CDH13: variants seen among roughly 807,000 people sequenced by gnomAD.
The protein encoded by CDH13 is cadherin 13.
A neutral mutation model predicts 63.8 loss-of-function variants in CDH13; 24 were observed. The ratio of observed to expected loss-of-function variants is 0.38; its 90% CI spans 0.27 to 0.53. The LOEUF (loss-of-function observed/expected upper bound fraction) is 0.53. Ranked by LOEUF, CDH13 falls within the 20% of genes least tolerant of loss-of-function variation. The probability of loss-of-function intolerance (pLI) is 0.85; values close to 1 mark genes in which losing one functional copy is unlikely to be tolerated. For missense variants in CDH13, 1,049 were observed against 903.1 expected, an observed-to-expected ratio of 1.16 and a Z score of -2.07; for synonymous variants, 503 against 355.3, an observed-to-expected ratio of 1.42 and a Z score of -4.67.
intron 2 of CDH13, among the ~76,000 whole-genome samples, chr16:82,867,797 G>A (rs1379226226): frequency 6.6e-6 from 1 of 152,206 alleles, no homozygotes; most frequent in Non-Finnish European, 1.5e-5. Context: ...TGACCCTGCT[G>A]AAAAGATTTC....
At chr16:83,007,111 G>A (rs7188556) in intron 2 of CDH13, among the ~76,000 whole-genome samples, 57,740 of 151,684 alleles carry the variant, frequency 0.38, 11,164 homozygotes, top group Middle Eastern at 0.42. Context: ...TGGTAGAGAC[G>A]GGGTTTCTCC....
chr16:83,560,931 G>T (rs1024826984), intron 7 of CDH13, among the ~76,000 whole-genome samples: 1 of 152,254 alleles, frequency 6.6e-6, no homozygotes, highest in African/African-American at 2.4e-5. Flanking sequence ...TGAGGGTTGG[G>T]CAGATTAACC....
intron 1 of CDH13, among the ~76,000 whole-genome samples, chr16:82,692,960 A>G (rs1915783596): frequency 6.6e-6 from 1 of 152,116 alleles, no homozygotes; most frequent in Non-Finnish European, 1.5e-5. Context: ...GTCTTCTGTG[A>G]TCGTTTTACA....
At chr16:83,236,374 G>T (rs1351924559) in intron 5 of CDH13, among the ~76,000 whole-genome samples, 1 of 152,050 alleles carries the variant, frequency 6.6e-6, no homozygotes, top group Non-Finnish European at 1.5e-5. Context: ...AGATTTGCAG[G>T]CCAGAAACCT....
At chr16:82,873,120 A>G (rs955693204) in intron 2 of CDH13, among the ~76,000 whole-genome samples, 1 of 152,176 alleles carries the variant, frequency 6.6e-6, no homozygotes, top group Non-Finnish European at 1.5e-5. Flanking sequence ...GTCCTAAACT[A>G]TGAGAAGAAT....
chr16:83,189,581 A>G lies in CDH13; in HGVS notation c.484-27764A>G, dbSNP rs554442251. 3.3e-4 allele frequency among the ~76,000 whole-genome samples: 50 copies of G among 152,316 alleles called. No homozygotes were observed. In the South Asian group the frequency reaches 8.7e-3, roughly 27 times the overall value. ...CCATAGTCAGGAAATCCAAAGGTGC[A>G]TCTGGCTTTAGGACAGCTGGATCCA... On this transcript the variant is annotated intron_variant, in intron 4 of 13. Transcript: ENST00000567109.
intron 1 of CDH13, among the ~76,000 whole-genome samples, chr16:82,657,447 A>G (rs767692588): frequency 4.5e-4 from 68 of 152,328 alleles, no homozygotes; most frequent in Non-Finnish European, 7.9e-4. Flanking sequence ...GATAATTCAC[A>G]TTCCCGGCAG....
At chr16:83,682,841 C>T (rs1172934074) in intron 10 of CDH13, among the ~76,000 whole-genome samples, 1 of 152,216 alleles carries the variant, frequency 6.6e-6, no homozygotes, top group Non-Finnish European at 1.5e-5. Context: ...CCCTGAGATC[C>T]TGCAGCAGGG....
intron 8 of CDH13, among the ~76,000 whole-genome samples, chr16:83,634,292 C>G (rs78348074): frequency 6.6e-6 from 1 of 152,168 alleles, no homozygotes; most frequent in Admixed American, 6.5e-5. Flanking sequence ...CTTCCCCTTA[C>G]TCTTGGGCTT....
chr16:83,223,325 A>G (rs572636495), intron 5 of CDH13, among the ~76,000 whole-genome samples: 14 of 152,334 alleles, frequency 9.2e-5, no homozygotes, highest in East Asian at 7.7e-4. Flanking sequence ...TGGAAGGGCC[A>G]AAAGACAGCA....
At chr16:83,360,358 G>C (rs1169394056) in intron 6 of CDH13, among the ~76,000 whole-genome samples, 1 of 152,160 alleles carries the variant, frequency 6.6e-6, no homozygotes, top group Non-Finnish European at 1.5e-5. Flanking sequence ...CGTAGCAGCA[G>C]GGCTCAATAT....
intron 5 of CDH13, among the ~76,000 whole-genome samples, chr16:83,318,400 A>G (rs2090150296): frequency 6.6e-6 from 1 of 152,210 alleles, no homozygotes; most frequent in Non-Finnish European, 1.5e-5. Context: ...TTCTACTGTT[A>G]AAACTGAATT....
intron 2 of CDH13, among the ~76,000 whole-genome samples, chr16:82,894,286 G>A (rs1321972965): frequency 6.6e-6 from 1 of 152,160 alleles, no homozygotes; most frequent in Non-Finnish European, 1.5e-5. Flanking sequence ...GTTCTCCCAT[G>A]TTGGAAGAAA....
intron 10 of CDH13, among the ~76,000 whole-genome samples, chr16:83,742,940 G>A (rs1189415666): frequency 6.6e-6 from 1 of 152,214 alleles, no homozygotes; most frequent in Non-Finnish European, 1.5e-5. Context: ...AGGTGCGGTG[G>A]CTCATGCCTG....
At chr16:83,306,125 C>G (rs1288885905) in intron 5 of CDH13, among the ~76,000 whole-genome samples, 1 of 152,184 alleles carries the variant, frequency 6.6e-6, no homozygotes, top group Non-Finnish European at 1.5e-5. Context: ...CCCGACATTG[C>G]CAAATATTCC....
At chr16:83,167,864 G>T (rs1597453989) in intron 4 of CDH13, among the ~76,000 whole-genome samples, 1 of 151,918 alleles carries the variant, frequency 6.6e-6, no homozygotes, top group African/African-American at 2.4e-5. Flanking sequence ...GGAATACCAT[G>T]CAGCCATAAA....
chr16:82,717,716 C>T (rs1038383918), intron 1 of CDH13, among the ~76,000 whole-genome samples: 1 of 152,134 alleles, frequency 6.6e-6, no homozygotes, highest in Non-Finnish European at 1.5e-5. Flanking sequence ...CCAGATAATC[C>T]AAAATAATCT....
At chr16:82,814,418 G>A (rs755207907) in intron 1 of CDH13, among the ~76,000 whole-genome samples, 19 of 152,060 alleles carry the variant, frequency 1.2e-4, no homozygotes, top group Non-Finnish European at 2.4e-4. Flanking sequence ...GGGAGGAAAG[G>A]GAGGCTGAAG....
At chr16:83,510,871 T>C (rs1408305559) in intron 7 of CDH13, among the ~76,000 whole-genome samples, 1 of 152,230 alleles carries the variant, frequency 6.6e-6, no homozygotes, top group African/African-American at 2.4e-5. Context: ...AAATCAGTAA[T>C]GTAGGTCAGT....
Sources: allele counts gnomAD v4.1 joint callset (sites outside exome capture counted in the v4.1 genomes callset), GRCh38; gene constraint gnomAD v4.1.1; transcripts MANE v1.5; gene names NCBI Gene and HGNC (gene_info 2026-07-23, HGNC 2026-07-21).